The following IGF1R variants were observed in gnomAD, a reference collection of about 807,000 sequenced individuals.
The protein encoded by IGF1R is insulin like growth factor 1 receptor.
In IGF1R, 44 loss-of-function variants were observed where a neutral mutation model predicts 144.6. That is an observed-to-expected ratio of 0.30 (90% confidence interval 0.24 to 0.39). The LOEUF (loss-of-function observed/expected upper bound fraction) is 0.39. Ranked by LOEUF, IGF1R falls within the 10% of genes least tolerant of loss-of-function variation. The pLI is 1.00. For synonymous variants in IGF1R, 795 were observed against 722.8 expected, an observed-to-expected ratio of 1.10 and a Z score of -1.60; for missense variants, 1,355 against 1,833.7, an observed-to-expected ratio of 0.74 and a Z score of 4.77.
Position 98,891,223 on chromosome 15 carries a change from C to T in IGF1R, c.641-102C>T, listed in dbSNP as rs1007330781. On this transcript the variant is annotated intron_variant, in intron 2 of 20. Coordinates refer to ENST00000650285, the MANE Select transcript of IGF1R (RefSeq NM_000875.5). This position sits in a 1 kb window ranked among gnomAD's most constrained non-coding sequence, Gnocchi z 4.7. ...TGTCTCCTCAATGAGTGATCTGGTG[C>T]TGGTGGTAGCAGTGAATGACCCAGA... 26 of 1,025,564 alleles carry T rather than the reference C, an allele frequency of 2.5e-5. No homozygotes were observed. In the African/African-American group the frequency reaches 3.8e-4, roughly 15 times the overall value. 63.5% of individuals were successfully genotyped at this position (1,025,564 alleles called of 1,614,324 possible).
intron 18 of IGF1R, 147 bp downstream of exon 18, chr15:98,939,507 G>C: frequency 2.4e-6 from 2 of 819,624 alleles, no homozygotes; most frequent in Non-Finnish European, 4.2e-6. Flanking sequence ...ATTGTCTCCA[G>C]TTGATGGTCA....
intron 2 of IGF1R, among the ~76,000 whole-genome samples, chr15:98,814,509 G>T (rs1407717671): frequency 2.0e-5 from 3 of 152,130 alleles, no homozygotes; most frequent in African/African-American, 4.8e-5. Flanking sequence ...ACTATGCCCA[G>T]CTAATTTTTA....
chr15:98,708,926 A>G (rs1359070170), intron 2 of IGF1R, among the ~76,000 whole-genome samples: 1 of 152,174 alleles, frequency 6.6e-6, no homozygotes, highest in Admixed American at 6.5e-5. Flanking sequence ...TTTATCTGCA[A>G]TATGCTTATT....
chr15:98,786,035 C>T (rs1165519054), intron 2 of IGF1R, among the ~76,000 whole-genome samples: 1 of 152,234 alleles, frequency 6.6e-6, no homozygotes, highest in Non-Finnish European at 1.5e-5. Flanking sequence ...CTGCCTCTCT[C>T]ACCCTCCCTT....
rs1173681603 is a variant in IGF1R at position 98,922,203 on chromosome 15, C to G, written c.2257C>G (p.Arg753Gly). 1 of 1,614,136 alleles carries G rather than the reference C, an allele frequency of 6.2e-7. No individual in the cohort carries two copies. Among genetic ancestry groups the G allele is most frequent in the Non-Finnish European group, 8.5e-7 (1 of 1,180,028 alleles). ...MQVANTTMSS[R>G]SRNTTAADTY... ...AGTGGCCAACACCACCATGTCCAGC[C>G]GAAGCAGGAACACCACGGCCGCAGA... The change falls in exon 11 of 21, where the codon CGA (arginine) becomes GGA (glycine). Residue 753 changes from arginine to glycine, a missense_variant. Around this residue, in one of 7 missense-constraint regions of IGF1R, gnomAD observed 880 missense variants for 1,202.7 expected, o/e 0.73. Transcript: ENST00000650285.
At chr15:98,943,509 C>T (rs1398929838) in intron 19 of IGF1R, among the ~76,000 whole-genome samples, 2 of 152,210 alleles carry the variant, frequency 1.3e-5, no homozygotes, top group Non-Finnish European at 2.9e-5. Flanking sequence ...CTGCTGGTCC[C>T]ATCTGCTGTC....
rs900942929 is a variant in IGF1R at position 98,649,520 on chromosome 15, CTTTTCTTTT to C, written c.-57_-49del. 76 of 857,996 alleles carry C rather than the reference CTTTTCTTTT, an allele frequency of 8.9e-5. No individual in the cohort carries two copies. The highest frequency in any genetic ancestry group is 1.6e-4 in the African/African-American group (6 of 38,112). 53.1% of individuals were successfully genotyped at this position (857,996 alleles called of 1,614,324 possible). A position where few individuals can be genotyped will look rare whatever the true frequency, so the allele number is the denominator to read the frequency against. ...TCCTTTCATTTCCTTTTTTTCTTTT[CTTTTCTTTT>C]TTTTTTTTTTTTTTTTTTTTGAGAA... is the stretch of plus-strand genomic sequence containing the variant. On this transcript the variant is annotated 5_prime_UTR_variant, in exon 1 of 21. Transcript: ENST00000650285.
chr15:98,876,407 T>G (rs544580726), intron 2 of IGF1R, among the ~76,000 whole-genome samples: 6 of 152,038 alleles, frequency 3.9e-5, no homozygotes, highest in Admixed American at 1.3e-4. Context: ...CTAGTTGAAA[T>G]TGAGGAAATG....
Position 98,961,406 on chromosome 15 carries a change from A to G in IGF1R, c.*3964A>G. 4.3e-6 allele frequency: 1 copy of G among 233,496 alleles called. No homozygotes were observed. Among genetic ancestry groups the G allele is most frequent in the Non-Finnish European group, 8.5e-6 (1 of 117,988 alleles). The allele number at this position is 233,496 out of a possible 1,614,324, so 14.5% of individuals were successfully genotyped here. ...GCAAATGCTTCAGAAACACCTCAAT[A>G]AAAGAGAAAACTTGGCTTGTGTGAT... On this transcript the variant is annotated 3_prime_UTR_variant, in exon 21 of 21. Transcript: ENST00000650285.
chr15:98,914,587 CAGA>C (rs907600039), intron 8 of IGF1R, among the ~76,000 whole-genome samples: 2 of 152,166 alleles, frequency 1.3e-5, no homozygotes, highest in African/African-American at 4.8e-5. Context: ...TTCAGTGCAA[CAGA>C]AGAAGTTTTT....
chr15:98,747,036 A>G (rs2054885112), intron 2 of IGF1R, among the ~76,000 whole-genome samples: 1 of 152,162 alleles, frequency 6.6e-6, no homozygotes, highest in Admixed American at 6.5e-5. Flanking sequence ...GTTTCAAGCT[A>G]TCAGTTATTT....
chr15:98,775,471 C>G (rs2055689536), intron 2 of IGF1R, among the ~76,000 whole-genome samples: 1 of 152,152 alleles, frequency 6.6e-6, no homozygotes, highest in Non-Finnish European at 1.5e-5. Context: ...AGTTCAGGGA[C>G]CGTTGCCCTA....
At chr15:98,730,592 G>A (rs2054475719) in intron 2 of IGF1R, among the ~76,000 whole-genome samples, 1 of 152,180 alleles carries the variant, frequency 6.6e-6, no homozygotes, top group African/African-American at 2.4e-5. Flanking sequence ...AATGAGGATG[G>A]AAGAGAGTCA....
chr15:98,745,973 C>T (rs764040265), intron 2 of IGF1R, among the ~76,000 whole-genome samples: 12 of 152,214 alleles, frequency 7.9e-5, no homozygotes, highest in Non-Finnish European at 1.8e-4. Flanking sequence ...AAATAACCCA[C>T]GTGTTCTTCA....
At chr15:98,931,259 G>A (rs959243426) in intron 15 of IGF1R, among the ~76,000 whole-genome samples, 6 of 152,164 alleles carry the variant, frequency 3.9e-5, no homozygotes, top group Non-Finnish European at 8.8e-5. Context: ...ATAAATAAGT[G>A]CATGATGTTG....
intron 2 of IGF1R, among the ~76,000 whole-genome samples, chr15:98,795,403 TTTTTG>T (rs56344805): frequency 4.0e-4 from 60 of 151,480 alleles, no homozygotes; most frequent in South Asian, 2.7e-3. Context: ...TCTTTCTTGT[TTTTTG>T]TTTTGTTTTG....
chr15:98,878,697 A>AAAAC (rs2013204820), intron 2 of IGF1R, among the ~76,000 whole-genome samples: 1 of 101,192 alleles, frequency 9.9e-6, no homozygotes, highest in South Asian at 3.2e-4. Context: ...AAAAAAAAAC[A>AAAAC]ACAACAAAAA....
chr15:98,749,475 C>G (rs2054952073), intron 2 of IGF1R, among the ~76,000 whole-genome samples: 1 of 152,286 alleles, frequency 6.6e-6, no homozygotes, highest in East Asian at 1.9e-4. Flanking sequence ...GAAATTTCAT[C>G]AAGACTAATT....
chr15:98,649,515 CTTTTCTTTTCTTTTTTTTT>C lies in IGF1R; in HGVS notation c.-62_-44del. On this transcript the variant is annotated 5_prime_UTR_variant, in exon 1 of 21. Transcript: ENST00000650285. ...TTGTTTCCTTTCATTTCCTTTTTTT[CTTTTCTTTTCTTTTTTTTT>C]TTTTTTTTTTTTTTTGAGAAAGGGG... The C allele has an allele frequency of 1.0e-6, 1 of 956,750 alleles. No homozygotes were observed. Among genetic ancestry groups the C allele is most frequent in the Non-Finnish European group, 1.5e-6 (1 of 648,544 alleles). The allele number at this position is 956,750 out of a possible 1,614,324, so 59.3% of individuals were successfully genotyped here. A position where few individuals can be genotyped will look rare whatever the true frequency, so the allele number is the denominator to read the frequency against.
Sources: gnomAD v4.1 joint callset for allele counts (sites outside exome capture counted in the v4.1 genomes callset) on GRCh38, gnomAD v4.1.1 for gene constraint, gnomAD v4.1.1 regional missense constraint, Gnocchi (gnomAD v3.1) non-coding constraint, MANE v1.5 for transcripts, NCBI Gene and HGNC (gene_info 2026-07-23, HGNC 2026-07-21) for gene names.